CADM3: variants seen among roughly 807,000 people sequenced by gnomAD.
CADM3 encodes cell adhesion molecule 3.
In CADM3, 11 loss-of-function variants were observed where a neutral mutation model predicts 44.9. The ratio of observed to expected loss-of-function variants is 0.25; its 90% CI spans 0.15 to 0.41. The LOEUF is 0.41. CADM3 is among the 10% of genes least tolerant of loss of function. The pLI is 1.00. For synonymous variants in CADM3, 207 were observed against 205.2 expected (o/e 1.01, Z -0.08); for missense variants, 426 against 512.0 (o/e 0.83, Z 1.62).
intron 7 of CADM3, chr1:159,197,364 T>C (rs1349404364): frequency 1.8e-5 from 5 of 271,160 alleles, no homozygotes; most frequent in Non-Finnish European, 3.5e-5. Flanking sequence ...TAATTCTGTG[T>C]GCAGAGGCCC....
intron 1 of CADM3, among the ~76,000 whole-genome samples, chr1:159,181,108 C>T (rs1457610107): frequency 6.6e-6 from 1 of 152,130 alleles, no homozygotes; most frequent in Non-Finnish European, 1.5e-5. Flanking sequence ...TTTCCCATAC[C>T]CTTCCAATGA....
chr1:159,187,433 TGGAGA>T (rs1222808097), intron 1 of CADM3, among the ~76,000 whole-genome samples: 1 of 152,236 alleles, frequency 6.6e-6, no homozygotes, highest in Non-Finnish European at 1.5e-5. Flanking sequence ...GAAGGGATTC[TGGAGA>T]GGTATGCTAT....
intron 1 of CADM3, among the ~76,000 whole-genome samples, chr1:159,182,630 T>C (rs1649276894): frequency 6.6e-6 from 1 of 152,094 alleles, no homozygotes; most frequent in East Asian, 1.9e-4. Context: ...CAGAATTAGG[T>C]GCAACAGAAA....
intron 1 of CADM3, among the ~76,000 whole-genome samples, chr1:159,186,570 C>T (rs1488161652): frequency 1.3e-5 from 2 of 152,166 alleles, no homozygotes; most frequent in African/African-American, 4.8e-5. Flanking sequence ...CAATCTGAAT[C>T]CAAAGAAGGT....
chr1:159,183,714 A>T (rs1224392461), intron 1 of CADM3, among the ~76,000 whole-genome samples: 2 of 152,194 alleles, frequency 1.3e-5, no homozygotes, highest in African/African-American at 2.4e-5. Flanking sequence ...ACCAGATGAC[A>T]GAATAACTCC....
At chr1:159,173,896 C>T (rs1258225973) in intron 1 of CADM3, among the ~76,000 whole-genome samples, 1 of 152,236 alleles carries the variant, frequency 6.6e-6, no homozygotes, top group Non-Finnish European at 1.5e-5. Flanking sequence ...TCACCAACTA[C>T]ACTCTTCTTT....
chr1:159,171,690 C>G lies in CADM3; in HGVS notation c.-76C>G. 1 of 1,098,276 alleles carries G rather than the reference C, an allele frequency of 9.1e-7. No homozygotes were observed. The highest frequency in any genetic ancestry group is 1.6e-5 in the African/African-American group (1 of 61,940). 68.0% of individuals were successfully genotyped at this position (1,098,276 alleles called of 1,614,324 possible). ...GCGCCCTTTCGGTCAACATCGTAGT[C>G]CACCCCCTCCCCATCCCCAGCCCCC... On this transcript the variant is annotated 5_prime_UTR_variant, in exon 1 of 9. Transcript: ENST00000368125.
intron 7 of CADM3, 63 bp downstream of exon 7, chr1:159,197,123 T>G: frequency 2.0e-6 from 3 of 1,535,144 alleles, no homozygotes; most frequent in African/African-American, 2.7e-5. Flanking sequence ...ATTCCCTTTT[T>G]TAAAATGCTT....
chr1:159,175,880 G>A (rs1489963673), intron 1 of CADM3, among the ~76,000 whole-genome samples: 1 of 152,144 alleles, frequency 6.6e-6, no homozygotes, highest in African/African-American at 2.4e-5. Context: ...CAAACTGAGA[G>A]GTTGTGCCAT....
intron 7 of CADM3, 63 bp from the exon 8 acceptor site, chr1:159,199,688 T>C (rs777849055): frequency 2.9e-5 from 46 of 1,611,754 alleles, no homozygotes; most frequent in Non-Finnish European, 3.8e-5. Context: ...CATGGCCAAG[T>C]TGGAATGCTA....
At chr1:159,189,635 C>T in intron 1 of CADM3, 2 of 657,934 alleles carry the variant, frequency 3.0e-6, no homozygotes, top group South Asian at 1.9e-5. Flanking sequence ...AAGAACCCTA[C>T]CTTCTCTTAG....
Position 159,171,755 on chromosome 1 carries a change from CG to C in CADM3, c.-8del, listed in dbSNP as rs1182722951. On this transcript the variant is annotated 5_prime_UTR_variant, in exon 1 of 9. Transcript: ENST00000368125. ...GCCAGCGCCCAGCCAGGGAGCCGGC[CG>C]GGAAGCGCGATGGGGGCCCCAGCCG... The C allele has an allele frequency of 2.1e-5, 26 of 1,234,628 alleles. No individual in the cohort carries two copies. The highest frequency in any genetic ancestry group is 1.2e-4 in the South Asian group (3 of 24,400). The allele number at this position is 1,234,628 out of a possible 1,614,324, so 76.5% of individuals were successfully genotyped here.
At position 159,192,741 on chromosome 1, in the gene CADM3, C is replaced by T. The variant is rs949620314; in HGVS notation, c.382+11C>T. ...TCGTCACTGTGCTAGGTGAGACTCC[C>T]AAACCCCAGTGTCTCTACAGCATGC... On this transcript the variant is annotated intron_variant, in intron 3 of 8. Coordinates refer to ENST00000368125, the MANE Select transcript of CADM3 (RefSeq NM_001127173.3). 2 of 1,608,896 alleles carry T rather than the reference C, an allele frequency of 1.2e-6. No homozygotes were observed. Among genetic ancestry groups the T allele is most frequent in the Non-Finnish European group, 1.7e-6 (2 of 1,176,872 alleles).
chr1:159,197,583 C>T (rs1415057936), intron 7 of CADM3: 1 of 152,236 alleles, frequency 6.6e-6, no homozygotes, highest in Non-Finnish European at 1.5e-5. Flanking sequence ...GATGCCATAT[C>T]TTCTAGAAGG....
At chr1:159,198,970 C>T (rs534237263) in intron 7 of CADM3, among the ~76,000 whole-genome samples, 15 of 152,240 alleles carry the variant, frequency 9.9e-5, no homozygotes, top group African/African-American at 1.9e-4. Context: ...AAAGTGAAGA[C>T]GGAGTCCCAG....
chr1:159,178,207 T>C (rs80166986), intron 1 of CADM3, among the ~76,000 whole-genome samples: 1 of 152,220 alleles, frequency 6.6e-6, no homozygotes, highest in African/African-American at 2.4e-5. Flanking sequence ...AATCTGCAAT[T>C]GATTGAATCT....
chr1:159,181,880 C>T lies in CADM3; in HGVS notation c.88+10027C>T, dbSNP rs796832019. ...CTTAACTAAGTCTCTGAAGGCCCCCCTCAGCCTACCACAAGCCCACTTCTG... is the reference window on the plus strand; with the variant it reads ...CTTAACTAAGTCTCTGAAGGCCCCCTTCAGCCTACCACAAGCCCACTTCTG... On this transcript the variant is annotated intron_variant, in intron 1 of 8. Coordinates refer to ENST00000368125, the MANE Select transcript of CADM3 (RefSeq NM_001127173.3). Among the ~76,000 whole-genome samples, 7 of 152,286 alleles carry T rather than the reference C, an allele frequency of 4.6e-5. 1 individual carries two copies. In the South Asian group the frequency reaches 1.5e-3, roughly 32 times the overall value.
At position 159,200,999 on chromosome 1, in the gene CADM3, A is replaced by G. The variant is rs2102143050; in HGVS notation, c.*77A>G. 9.6e-7 allele frequency: 1 copy of G among 1,041,208 alleles called. No homozygotes were observed. The highest frequency in any genetic ancestry group is 2.8e-5 in the East Asian group (1 of 35,706). The allele number at this position is 1,041,208 out of a possible 1,614,324, so 64.5% of individuals were successfully genotyped here. A position where few individuals can be genotyped will look rare whatever the true frequency, so the allele number is the denominator to read the frequency against. The stretch of plus-strand genomic sequence containing the variant: ...GGCCGTCACCAACCCGGACTTGTAC[A>G]GAGCAACCGCAGGGCCGCCCCTCCC... On this transcript the variant is annotated 3_prime_UTR_variant, in exon 9 of 9. Transcript: ENST00000368125.
chr1:159,190,172 G>A (rs2102118968), intron 1 of CADM3, among the ~76,000 whole-genome samples: 1 of 152,252 alleles, frequency 6.6e-6, no homozygotes, highest in East Asian at 1.9e-4. Context: ...GACACAATCA[G>A]GTAGAATTCT....
Sources: gnomAD v4.1 joint callset for allele counts (sites outside exome capture counted in the v4.1 genomes callset) on GRCh38, gnomAD v4.1.1 for gene constraint, MANE v1.5 for transcripts, NCBI Gene and HGNC (gene_info 2026-07-23, HGNC 2026-07-21) for gene names.